The following TSNARE1 variants were observed in gnomAD, a reference collection of about 807,000 sequenced individuals.
TSNARE1 encodes the protein t-SNARE domain containing 1.
Under a neutral mutation model 62.0 loss-of-function variants are expected in TSNARE1, and 49 were observed. That is an observed-to-expected ratio of 0.79 (90% CI 0.63 to 1.00). The LOEUF is 1.00. TSNARE1 is among the 50% of genes least tolerant of loss of function. The probability of loss-of-function intolerance (pLI) is 0.00; values close to 1 mark genes in which losing one functional copy is unlikely to be tolerated. For missense variants in TSNARE1, 755 were observed against 700.1 expected (o/e 1.08, Z -0.88); for synonymous variants, 328 against 294.4 (o/e 1.11, Z -1.17).
chr8:142,260,976 G>GAGA (rs1563786527), intron 12 of TSNARE1, among the ~76,000 whole-genome samples: 1 of 84,000 alleles, frequency 1.2e-5, no homozygotes, highest in Admixed American at 1.1e-4. Flanking sequence ...CAGGGAGGGA[G>GAGA]GGAGGGAGGA....
chr8:142,350,920 A>T (rs1430020695), intron 2 of TSNARE1, among the ~76,000 whole-genome samples: 6 of 152,248 alleles, frequency 3.9e-5, no homozygotes, highest in Non-Finnish European at 8.8e-5. Context: ...GGGAGGCTCC[A>T]CGTTAAACGG....
intron 2 of TSNARE1, among the ~76,000 whole-genome samples, chr8:142,350,928 C>T (rs912383590): frequency 1.3e-5 from 2 of 152,206 alleles, no homozygotes; most frequent in African/African-American, 4.8e-5. Context: ...CCACGTTAAA[C>T]GGCATCTCTG....
intron 11 of TSNARE1, 188 bp from the exon 12 acceptor site, chr8:142,275,051 T>C: frequency 1.0e-6 from 1 of 985,096 alleles, no homozygotes; most frequent in South Asian, 4.7e-5. Context: ...TGGGCAGCAA[T>C]GACATTAGAA....
chr8:142,374,549 G>A lies in TSNARE1; in HGVS notation c.-39-19786C>T, dbSNP rs554562586. On this transcript the variant is annotated intron_variant, in intron 1 of 13. Transcript: ENST00000524325. ...AAAAAATTAGCCAGGCGTGATGGCGGGCGCCTGTAGTCCCAGGCTACTCGG... is the reference window on the plus strand; with the variant it reads ...AAAAAATTAGCCAGGCGTGATGGCGAGCGCCTGTAGTCCCAGGCTACTCGG... Among the ~76,000 whole-genome samples, 14 of 151,836 alleles carry A rather than the reference G, an allele frequency of 9.2e-5. No homozygotes were observed. The East Asian group carries it at 2.7e-3, about 30-fold the overall frequency.
intron 12 of TSNARE1, among the ~76,000 whole-genome samples, chr8:142,234,741 C>A (rs901875725): frequency 3.9e-5 from 6 of 152,142 alleles, no homozygotes; most frequent in African/African-American, 1.4e-4. Flanking sequence ...TCCCTCATCC[C>A]ATTAACATGA....
rs556157068 is a variant in TSNARE1 at position 142,347,667 on chromosome 8, G to A, written c.89-1775C>T. ...GCCATCACCTCGCCACACTGCATCC[G>A]CTCACCCAAGTCCAGAAGGACACGC... On this transcript the variant is annotated intron_variant, in intron 2 of 13. Transcript: ENST00000524325. Among the ~76,000 whole-genome samples, 108 of 150,268 alleles carry A rather than the reference G, an allele frequency of 7.2e-4. 1 individual carries two copies. The highest frequency in any genetic ancestry group is 2.2e-3 in the African/African-American group (89 of 40,782).
intron 1 of TSNARE1, among the ~76,000 whole-genome samples, chr8:142,362,649 C>T (rs911850029): frequency 1.3e-5 from 2 of 152,146 alleles, no homozygotes; most frequent in Non-Finnish European, 2.9e-5. Context: ...ACGGCAGTGA[C>T]CACGACCCAA....
intron 1 of TSNARE1, among the ~76,000 whole-genome samples, chr8:142,367,618 A>G (rs189754557): frequency 2.0e-5 from 3 of 152,368 alleles, no homozygotes; most frequent in Admixed American, 2.0e-4. Context: ...TAATGAATGT[A>G]CAACACTGTA....
chr8:142,288,446 C>T lies in TSNARE1; in HGVS notation c.1291-3961G>A, dbSNP rs992606890. On this transcript the variant is annotated intron_variant, in intron 10 of 13. Transcript: ENST00000524325. ...CATTCTAGGTTTTGGGGGAGGCCCC[C>T]GGAGGCAGTGGCAGAAGTGATTTTC... 2.6e-5 allele frequency among the ~76,000 whole-genome samples: 4 copies of T among 152,360 alleles called. No homozygotes were observed. In the East Asian group the frequency reaches 5.8e-4, roughly 22 times the overall value.
chr8:142,383,030 GACCCTCTCTGGAGAAGGGC>G (rs1836879519), intron 1 of TSNARE1, among the ~76,000 whole-genome samples: 1 of 152,130 alleles, frequency 6.6e-6, no homozygotes, highest in African/African-American at 2.4e-5. Flanking sequence ...AGAAGGTGGG[GACCCTCTCTGGAGAAGGGC>G]ACAGGGACCC....
intron 1 of TSNARE1, among the ~76,000 whole-genome samples, chr8:142,376,173 T>C (rs1836322468): frequency 6.6e-6 from 1 of 152,078 alleles, no homozygotes; most frequent in South Asian, 2.1e-4. Context: ...GCAGGAGCAA[T>C]TTGCACCCCG....
chr8:142,293,755 T>G (rs772617191), intron 10 of TSNARE1, among the ~76,000 whole-genome samples: 1 of 152,172 alleles, frequency 6.6e-6, no homozygotes, highest in Non-Finnish European at 1.5e-5. Context: ...TGGGTGCTAT[T>G]GGTGTTCAGA....
At chr8:142,221,972 T>C (rs1457235734) in intron 13 of TSNARE1, among the ~76,000 whole-genome samples, 20 of 60,920 alleles carry the variant, frequency 3.3e-4, no homozygotes, top group East Asian at 1.1e-3. Context: ...CATCCACTCA[T>C]CCACTCACTC....
chr8:142,304,256 C>T (rs913329315), intron 9 of TSNARE1, among the ~76,000 whole-genome samples: 4 of 152,246 alleles, frequency 2.6e-5, no homozygotes, highest in South Asian at 2.1e-4. Flanking sequence ...GCGCTGGCCT[C>T]GCGCCAAGCC....
At position 142,291,960 on chromosome 8, in the gene TSNARE1, C is replaced by T. The variant is rs1271107859; in HGVS notation, c.1291-7475G>A. Among the ~76,000 whole-genome samples, 3 of 151,678 alleles carry T rather than the reference C, an allele frequency of 2.0e-5. No individual in the cohort carries two copies. Among genetic ancestry groups the T allele is most frequent in the African/African-American group, 7.3e-5 (3 of 41,186 alleles). ...TCCCGTGGACGGTCACAGCAACGCA[C>T]GCCCCCCCCGGCCCCCCACCTGTTT... On this transcript the variant is annotated intron_variant, in intron 10 of 13. Coordinates refer to ENST00000524325, the MANE Select transcript of TSNARE1 (RefSeq NM_145003.5). The surrounding 1 kb of genome is among the most constrained non-coding windows in gnomAD (Gnocchi z 4.8).
chr8:142,292,499 C>T (rs1823966192), intron 10 of TSNARE1, among the ~76,000 whole-genome samples: 1 of 152,140 alleles, frequency 6.6e-6, no homozygotes, highest in South Asian at 2.1e-4. Context: ...GTGGCGGGCA[C>T]AGACAGGGCG....
intron 9 of TSNARE1, among the ~76,000 whole-genome samples, chr8:142,313,230 A>G (rs186791847): frequency 3.4e-4 from 51 of 151,226 alleles, no homozygotes; most frequent in African/African-American, 1.2e-3. Flanking sequence ...GTCTGTGTTT[A>G]TCTGCATGTG....
intron 12 of TSNARE1, chr8:142,274,440 T>C (rs1820089170): frequency 2.0e-6 from 2 of 985,458 alleles, no homozygotes; most frequent in African/African-American, 1.7e-5. Flanking sequence ...GTATGGACAC[T>C]GAGCTGCATG....
chr8:142,385,397 G>A (rs1248396980), intron 1 of TSNARE1, among the ~76,000 whole-genome samples: 1 of 152,190 alleles, frequency 6.6e-6, no homozygotes, highest in Non-Finnish European at 1.5e-5. Flanking sequence ...GCTGACAGAG[G>A]AGATGCCGTC....
Sources: allele counts gnomAD v4.1 joint callset (sites outside exome capture counted in the v4.1 genomes callset), GRCh38; gene constraint gnomAD v4.1.1; non-coding constraint Gnocchi (gnomAD v3.1); transcripts MANE v1.5; gene names NCBI Gene and HGNC (gene_info 2026-07-23, HGNC 2026-07-21).